The following ZBTB20 variants were observed in gnomAD, a reference collection of about 807,000 sequenced individuals.
ZBTB20 encodes zinc finger and BTB domain-containing protein 20.
A neutral mutation model predicts 56.9 loss-of-function variants in ZBTB20; 9 were observed. The observed-to-expected ratio is 0.16, with a 90% CI of 0.10 to 0.28. The LOEUF (loss-of-function observed/expected upper bound fraction) is 0.28, where lower values mean the gene tolerates loss of function less well. ZBTB20 is among the 10% of genes least tolerant of loss of function. The probability of loss-of-function intolerance (pLI) is 1.00; values close to 1 mark genes in which losing one functional copy is unlikely to be tolerated. For synonymous variants in ZBTB20, 417 were observed against 420.7 expected (o/e 0.99, Z 0.11); for missense variants, 655 against 1,003.0 (o/e 0.65, Z 4.69).
chr3:114,527,009 G>A (rs1259910013), intron 6 of ZBTB20, among the ~76,000 whole-genome samples: 1 of 151,984 alleles, frequency 6.6e-6, no homozygotes, highest in Non-Finnish European at 1.5e-5. Context: ...CATTTTGCGT[G>A]AAAAATCTGT....
chr3:114,949,710 T>G, intron 3 of ZBTB20, among the ~76,000 whole-genome samples: 1 of 147,224 alleles, frequency 6.8e-6, no homozygotes, highest in East Asian at 1.9e-4. Flanking sequence ...AAATTTTCAG[T>G]GAGCCAAGAT....
chr3:114,407,727 C>T (rs1475370609), intron 7 of ZBTB20, among the ~76,000 whole-genome samples: 2 of 152,136 alleles, frequency 1.3e-5, no homozygotes, highest in Non-Finnish European at 2.9e-5. Context: ...AGAGAAGTAA[C>T]ATCTGATCAT....
At chr3:115,138,111 CT>C (rs2084702693) in intron 1 of ZBTB20, among the ~76,000 whole-genome samples, 1 of 152,098 alleles carries the variant, frequency 6.6e-6, no homozygotes, top group Admixed American at 6.5e-5. Flanking sequence ...TATACTGTTT[CT>C]AGTCTCCCTC....
intron 1 of ZBTB20, among the ~76,000 whole-genome samples, chr3:115,115,888 T>G (rs972840817): frequency 1.3e-5 from 2 of 152,056 alleles, no homozygotes; most frequent in African/African-American, 4.8e-5. Flanking sequence ...TGACATTCTT[T>G]TTCAATGACA....
intron 7 of ZBTB20, among the ~76,000 whole-genome samples, chr3:114,425,888 T>A (rs2089607895): frequency 6.6e-6 from 1 of 152,190 alleles, no homozygotes. Context: ...AATGCCTCAA[T>A]CTTCTGCTAA....
At chr3:115,049,450 C>T (rs2081459551) in intron 2 of ZBTB20, among the ~76,000 whole-genome samples, 1 of 152,060 alleles carries the variant, frequency 6.6e-6, no homozygotes, top group Non-Finnish European at 1.5e-5. Context: ...TATTTGCATA[C>T]ACATAATGAA....
chr3:114,476,119 TTAA>T (rs1268184520), intron 7 of ZBTB20, among the ~76,000 whole-genome samples: 2 of 152,190 alleles, frequency 1.3e-5, no homozygotes, highest in Non-Finnish European at 2.9e-5. Context: ...GCCTTTTAAC[TTAA>T]TATATAGTAT....
chr3:114,424,141 A>G (rs1481114803), intron 7 of ZBTB20, among the ~76,000 whole-genome samples: 1 of 152,220 alleles, frequency 6.6e-6, no homozygotes, highest in African/African-American at 2.4e-5. Flanking sequence ...TAATTGTCAC[A>G]TAACAACCTT....
chr3:114,516,554 T>C (rs1031480464), intron 6 of ZBTB20, among the ~76,000 whole-genome samples: 1 of 152,158 alleles, frequency 6.6e-6, no homozygotes, highest in Non-Finnish European at 1.5e-5. Context: ...TTATGTTCCC[T>C]TAAAATTCAT....
At chr3:114,385,924 G>C (rs894355159) in intron 8 of ZBTB20, among the ~76,000 whole-genome samples, 1 of 152,152 alleles carries the variant, frequency 6.6e-6, no homozygotes, top group African/African-American at 2.4e-5. Context: ...TTTGGGTAGG[G>C]GCAAATGGAT....
At chr3:114,680,406 A>C (rs1178637304) in intron 6 of ZBTB20, among the ~76,000 whole-genome samples, 1 of 152,180 alleles carries the variant, frequency 6.6e-6, no homozygotes, top group Admixed American at 6.5e-5. Flanking sequence ...TTTATCTCCA[A>C]GTTTCTTTCT....
chr3:114,363,451 G>A (rs545645762), intron 10 of ZBTB20, among the ~76,000 whole-genome samples: 10 of 152,220 alleles, frequency 6.6e-5, no homozygotes, highest in African/African-American at 1.9e-4. Context: ...GATAAAATAT[G>A]TCCTTTGCCT....
At chr3:114,772,433 A>G (rs1033148724) in intron 5 of ZBTB20, among the ~76,000 whole-genome samples, 8 of 152,064 alleles carry the variant, frequency 5.3e-5, no homozygotes, top group Non-Finnish European at 8.8e-5. Flanking sequence ...GGCTCTCTCT[A>G]TGGTTCTAGT....
At chr3:114,743,427 T>C (rs896221150) in intron 5 of ZBTB20, 1 of 153,014 alleles carries the variant, frequency 6.5e-6, no homozygotes, top group Non-Finnish European at 1.5e-5. Context: ...AGAAAATGTC[T>C]GTAGTAGGAA....
chr3:114,655,722 C>A (rs960591974), intron 6 of ZBTB20, among the ~76,000 whole-genome samples: 1 of 152,120 alleles, frequency 6.6e-6, no homozygotes. Context: ...CCACTTTATG[C>A]AAATGTGAGT....
chr3:114,857,281 A>G (rs2075296398), intron 4 of ZBTB20, among the ~76,000 whole-genome samples: 1 of 152,198 alleles, frequency 6.6e-6, no homozygotes, highest in South Asian at 2.1e-4. Context: ...CCACCTTCTA[A>G]GTGCTCTCTA....
chr3:114,836,388 C>A (rs554129690), intron 4 of ZBTB20, among the ~76,000 whole-genome samples: 15 of 152,208 alleles, frequency 9.9e-5, no homozygotes, highest in African/African-American at 3.6e-4. Flanking sequence ...AAACAAGATG[C>A]TACAAGATGT....
At chr3:114,370,337 G>T (rs2082864983) in intron 10 of ZBTB20, among the ~76,000 whole-genome samples, 1 of 152,036 alleles carries the variant, frequency 6.6e-6, no homozygotes, top group Admixed American at 6.6e-5. Flanking sequence ...TCCTATGTTT[G>T]CTCCTGAACC....
At chr3:114,577,958 T>C (rs1251582996) in intron 6 of ZBTB20, among the ~76,000 whole-genome samples, 2 of 152,090 alleles carry the variant, frequency 1.3e-5, no homozygotes, top group East Asian at 3.8e-4. Flanking sequence ...AACCAAGTAA[T>C]GGTAAGAAAA....
Sources: allele counts gnomAD v4.1 joint callset (sites outside exome capture counted in the v4.1 genomes callset), GRCh38; gene constraint gnomAD v4.1.1; transcripts MANE v1.5; gene names NCBI Gene and HGNC (gene_info 2026-07-23, HGNC 2026-07-21).